DOCK8: variants seen among roughly 807,000 people sequenced by gnomAD.
DOCK8 encodes dedicator of cytokinesis 8, also known as dedicator of cytokinesis protein 8.
A neutral mutation model predicts 245.6 loss-of-function variants in DOCK8; 141 were observed. That is an observed-to-expected ratio of 0.57 (90% CI 0.50 to 0.66). The LOEUF (loss-of-function observed/expected upper bound fraction) is 0.66, where lower values mean the gene tolerates loss of function less well. Ranked by LOEUF, DOCK8 falls within the 30% of genes least tolerant of loss-of-function variation. The pLI, the probability that DOCK8 is intolerant of heterozygous loss-of-function variation, is 0.00. For missense variants in DOCK8, 2,965 were observed against 2,603.4 expected, an observed-to-expected ratio of 1.14 and a Z score of -3.02; for synonymous variants, 1,168 against 970.2, an observed-to-expected ratio of 1.20 and a Z score of -3.79.
intron 15 of DOCK8, 48 bp from the exon 16 acceptor site, chr9:370,182 G>T: frequency 2.0e-6 from 3 of 1,471,054 alleles, no homozygotes; most frequent in South Asian, 2.3e-5. Flanking sequence ...TCAATTTGAT[G>T]TACCCAAATG....
chr9:361,938 A>G (rs1162982466), intron 14 of DOCK8, among the ~76,000 whole-genome samples: 1 of 152,178 alleles, frequency 6.6e-6, no homozygotes, highest in Non-Finnish European at 1.5e-5. Context: ...ACTCAACATT[A>G]TACACTGAGT....
intron 24 of DOCK8, among the ~76,000 whole-genome samples, chr9:394,138 T>C (rs552655460): frequency 6.6e-6 from 1 of 152,114 alleles, no homozygotes; most frequent in Admixed American, 6.5e-5. Flanking sequence ...TCCCACGTAA[T>C]GATCCCCTTG....
intron 6 of DOCK8, 93 bp from the exon 7 acceptor site, chr9:316,950 C>T (rs563913410): frequency 1.2e-5 from 12 of 981,334 alleles, no homozygotes; most frequent in Middle Eastern, 2.1e-4. Context: ...TAACTTGAGC[C>T]GTGGAGGGTA....
At chr9:319,559 C>T (rs1412718665) in intron 7 of DOCK8, among the ~76,000 whole-genome samples, 1 of 152,146 alleles carries the variant, frequency 6.6e-6, no homozygotes, top group African/African-American at 2.4e-5. Context: ...TAGAATGTGA[C>T]AGTATGAATA....
chr9:462,024 CTA>C (rs2057820757), intron 46 of DOCK8, among the ~76,000 whole-genome samples: 1 of 148,974 alleles, frequency 6.7e-6, no homozygotes, highest in Non-Finnish European at 1.5e-5. Flanking sequence ...TATTACCTCT[CTA>C]TATTAACTTT....
chr9:233,926 T>C (rs971114304), intron 1 of DOCK8, among the ~76,000 whole-genome samples: 14 of 152,338 alleles, frequency 9.2e-5, no homozygotes, highest in African/African-American at 3.4e-4. Context: ...TGTGTGAATT[T>C]GATCCTGTCA....
intron 29 of DOCK8, among the ~76,000 whole-genome samples, chr9:417,774 T>C (rs2056089924): frequency 6.6e-6 from 1 of 152,198 alleles, no homozygotes; most frequent in South Asian, 2.1e-4. Flanking sequence ...TGCCAATTAT[T>C]AGAATAGAGA....
intron 46 of DOCK8, chr9:454,415 CAT>C (rs1317882254): frequency 2.0e-5 from 3 of 152,032 alleles, no homozygotes; most frequent in African/African-American, 7.3e-5. Flanking sequence ...AGGAAAAAAA[CAT>C]AATATATGTA....
Position 441,931 on chromosome 9 carries a change from T to C in DOCK8, c.5412T>C (p.Phe1804=), listed in dbSNP as rs767665356. The C allele has an allele frequency of 6.2e-7, 1 of 1,614,112 alleles. No homozygotes were observed. The highest frequency in any genetic ancestry group is 2.2e-5 in the East Asian group (1 of 44,866). ...GAGTTGGTTTCTTTGGATCCAAATTTGGGGATTTGGATGAACAGGAGTTTG... is the reference window on the plus strand; with the variant it reads ...GAGTTGGTTTCTTTGGATCCAAATTCGGGGATTTGGATGAACAGGAGTTTG... ...YFRVGFFGSK[F]GDLDEQEFVY... The change falls in exon 42 of 48, where the codon TTT becomes TTC. Residue 1804 remains phenylalanine, a synonymous_variant. Transcript: ENST00000432829.
chr9:215,125 A>G (rs1040980718), intron 1 of DOCK8, 96 bp downstream of exon 1: 3 of 1,481,152 alleles, frequency 2.0e-6, no homozygotes, highest in Non-Finnish European at 1.8e-6. Flanking sequence ...GGACGAGTCC[A>G]TTCGCGTCCG....
intron 1 of DOCK8, among the ~76,000 whole-genome samples, chr9:266,364 G>GGAAT (rs3046373): frequency 0.19 from 28,347 of 151,158 alleles, 2,739 homozygotes; most frequent in Admixed American, 0.25. Context: ...TTCTCAGTGT[G>GGAAT]GAATGAATGA....
intron 34 of DOCK8, among the ~76,000 whole-genome samples, chr9:427,893 A>G (rs2056558853): frequency 6.6e-6 from 1 of 152,228 alleles, no homozygotes; most frequent in Admixed American, 6.5e-5. Flanking sequence ...ATATATTTGC[A>G]GTTTTCAAAG....
chr9:238,316 C>T (rs1004002413), intron 1 of DOCK8, among the ~76,000 whole-genome samples: 1 of 152,074 alleles, frequency 6.6e-6, no homozygotes, highest in African/African-American at 2.4e-5. Context: ...AAATGCTACA[C>T]AAATCAAAGA....
At chr9:288,082 A>G (rs1203538055) in intron 3 of DOCK8, among the ~76,000 whole-genome samples, 2 of 151,248 alleles carry the variant, frequency 1.3e-5, no homozygotes, top group African/African-American at 2.4e-5. Flanking sequence ...GAAATTTGAT[A>G]AGGAAGATAA....
intron 28 of DOCK8, among the ~76,000 whole-genome samples, chr9:409,000 T>C (rs1412294262): frequency 1.3e-5 from 2 of 152,216 alleles, no homozygotes; most frequent in South Asian, 2.1e-4. Flanking sequence ...GGTTGTCAGT[T>C]ACTCTCCTGG....
chr9:247,948 G>A (rs1345707876), intron 1 of DOCK8, among the ~76,000 whole-genome samples: 2 of 147,276 alleles, frequency 1.4e-5, no homozygotes, highest in Non-Finnish European at 3.0e-5. Flanking sequence ...AATGTATATT[G>A]TATTAAAATG....
rs144987765 is a variant in DOCK8, at chr9:439,282, C to G, written c.5117C>G (p.Ser1706Cys). 2 of 1,614,058 alleles carry G rather than the reference C, an allele frequency of 1.2e-6. No homozygotes were observed. Among genetic ancestry groups the G allele is most frequent in the African/African-American group, 2.7e-5 (2 of 74,930 alleles). The change falls in exon 40 of 48, where the codon TCT becomes TGT. Residue 1706 changes from serine (S) to cysteine (C), a missense_variant. Ser to Cys is a moderately radical substitution (Grantham distance 112, BLOSUM62 -1). Around this residue, in one of 3 missense-constraint regions of DOCK8, gnomAD observed 2,825 missense variants for 2,453.5 expected, o/e 1.15. Transcript: ENST00000432829. Reference sequence around the variant, plus strand: ...AATGTGCTGGAGGAGTCTGTGGTCTCTGAGGACACCCTGTCACCTGACGAG... The same window carrying G: ...AATGTGCTGGAGGAGTCTGTGGTCTGTGAGGACACCCTGTCACCTGACGAG... ...SSNVLEESVV[S>C]EDTLSPDEDG... is the part of the protein sequence containing the mutation.
At position 429,755 on chromosome 9, in the gene DOCK8, C is replaced by A; in HGVS notation, c.4527C>A (p.His1509Gln). 2.5e-6 allele frequency: 4 copies of A among 1,614,158 alleles called. No homozygotes were observed. Among genetic ancestry groups the A allele is most frequent in the Non-Finnish European group, 3.4e-6 (4 of 1,180,034 alleles). Residue 1509 changes from histidine (H) to glutamine (Q), a missense_variant, in exon 36 of 48, where the codon CAC becomes CAA. Coordinates refer to ENST00000432829, the MANE Select transcript of DOCK8 (RefSeq NM_203447.4). The part of the protein sequence containing the change: ...EEVEQCFDLC[H>Q]QVLHHCSSSM... ...TGGAACAGTGTTTCGACCTATGTCA[C>A]CAAGTCCTGCACCACTGCAGCAGCA...
intron 8 of DOCK8, among the ~76,000 whole-genome samples, chr9:327,169 C>G (rs769179331): frequency 2.6e-5 from 4 of 152,136 alleles, no homozygotes; most frequent in Admixed American, 2.6e-4. Context: ...GATATTTATT[C>G]ATACTCTAAT....
Sources: allele counts gnomAD v4.1 joint callset (sites outside exome capture counted in the v4.1 genomes callset), GRCh38; gene constraint gnomAD v4.1.1; regional missense constraint gnomAD v4.1.1; transcripts MANE v1.5; gene names NCBI Gene and HGNC (gene_info 2026-07-23, HGNC 2026-07-21).